CTNNA3: variants seen among roughly 807,000 people sequenced by gnomAD.
CTNNA3 encodes the protein catenin alpha-3.
A neutral mutation model predicts 95.7 loss-of-function variants in CTNNA3; 76 were observed. The ratio of observed to expected loss-of-function variants is 0.79; its 90% CI spans 0.66 to 0.96. The LOEUF (loss-of-function observed/expected upper bound fraction) is 0.96, where lower values mean the gene tolerates loss of function less well. Among genes scored for constraint, CTNNA3 ranks in the 40% least tolerant of loss-of-function variants. The pLI, the probability that CTNNA3 is intolerant of heterozygous loss-of-function variation, is 0.00. For synonymous variants in CTNNA3, 431 were observed against 374.4 expected (o/e 1.15, Z -1.74); for missense variants, 1,191 against 1,089.8 (o/e 1.09, Z -1.31).
intron 5 of CTNNA3, among the ~76,000 whole-genome samples, chr10:67,410,292 G>A (rs1215450423): frequency 1.3e-5 from 2 of 152,056 alleles, no homozygotes; most frequent in South Asian, 2.1e-4. Flanking sequence ...TTACAAGTGG[G>A]AGCTAAATGA....
chr10:66,925,971 T>A (rs928681905), intron 7 of CTNNA3: 2 of 456,200 alleles, frequency 4.4e-6, no homozygotes, highest in Admixed American at 4.7e-5. Flanking sequence ...TTTCTGCACA[T>A]GCCCATAATG....
chr10:66,154,833 T>C (rs1263218466), intron 13 of CTNNA3, among the ~76,000 whole-genome samples: 1 of 149,854 alleles, frequency 6.7e-6, no homozygotes, highest in Non-Finnish European at 1.5e-5. Context: ...CAAGATGACC[T>C]GTTTAAGCCC....
chr10:67,706,341 T>C (rs1252582337), intron 1 of CTNNA3, among the ~76,000 whole-genome samples: 1 of 151,592 alleles, frequency 6.6e-6, no homozygotes, highest in East Asian at 1.9e-4. Context: ...GGTAAAAGGT[T>C]ATAATTGCAG....
At chr10:66,249,081 G>T (rs2090447444) in intron 13 of CTNNA3, among the ~76,000 whole-genome samples, 1 of 152,130 alleles carries the variant, frequency 6.6e-6, no homozygotes, top group African/African-American at 2.4e-5. Flanking sequence ...ATGGTGCTGA[G>T]AAAACTGTAT....
chr10:65,934,834 G>T (rs567425624), intron 17 of CTNNA3, among the ~76,000 whole-genome samples: 1 of 152,202 alleles, frequency 6.6e-6, no homozygotes, highest in Middle Eastern at 3.4e-3. Context: ...TTCATCCTAG[G>T]TAATCATTGA....
chr10:65,948,700 C>T (rs1208090036), intron 17 of CTNNA3, among the ~76,000 whole-genome samples: 3 of 152,168 alleles, frequency 2.0e-5, no homozygotes, highest in Non-Finnish European at 1.5e-5. Flanking sequence ...TTGAACATTT[C>T]TGTCTTTTAC....
chr10:66,604,422 T>G (rs1052851674), intron 10 of CTNNA3, among the ~76,000 whole-genome samples: 1 of 152,082 alleles, frequency 6.6e-6, no homozygotes, highest in Non-Finnish European at 1.5e-5. Context: ...TGACACCCAT[T>G]AGCACCCTGC....
At chr10:66,813,232 T>C (rs771293649) in intron 7 of CTNNA3, among the ~76,000 whole-genome samples, 1 of 152,216 alleles carries the variant, frequency 6.6e-6, no homozygotes. Flanking sequence ...CAGCCTTCTC[T>C]GCAAAATCCA....
intron 12 of CTNNA3, among the ~76,000 whole-genome samples, chr10:66,283,111 T>A (rs2091523313): frequency 6.6e-6 from 1 of 151,768 alleles, no homozygotes; most frequent in Non-Finnish European, 1.5e-5. Context: ...TCTAAGAAAA[T>A]GTGTCCAGTT....
chr10:66,616,289 G>A (rs915536876), intron 10 of CTNNA3, among the ~76,000 whole-genome samples: 4 of 152,046 alleles, frequency 2.6e-5, no homozygotes, highest in African/African-American at 9.7e-5. Flanking sequence ...TCCAAATCCT[G>A]TGTTCTCAAT....
intron 5 of CTNNA3, among the ~76,000 whole-genome samples, chr10:67,262,166 T>G (rs575392282): frequency 1.3e-5 from 2 of 152,280 alleles, no homozygotes; most frequent in East Asian, 3.9e-4. Context: ...GCATAATTAT[T>G]ATTATAAGCC....
At position 67,224,264 on chromosome 10, in the gene CTNNA3, A is replaced by G. The variant is rs554967414; in HGVS notation, c.580-4394T>C. Among the ~76,000 whole-genome samples, 437 of 152,202 alleles carry G rather than the reference A, an allele frequency of 2.9e-3. 4 individuals carry two copies. Among genetic ancestry groups the G allele is most frequent in the Non-Finnish European group, 2.3e-3 (159 of 68,002 alleles). On this transcript the variant is annotated intron_variant, in intron 5 of 17. Coordinates refer to ENST00000433211, the MANE Select transcript of CTNNA3 (RefSeq NM_013266.4). The stretch of plus-strand genomic sequence containing the variant: ...ATGTCCCCGTTTCCCCCACATGCCA[A>G]CCCCTGGCAACTATGGTAAAACTGC...
chr10:67,551,195 T>C (rs1841017814), intron 3 of CTNNA3, among the ~76,000 whole-genome samples: 1 of 151,540 alleles, frequency 6.6e-6, no homozygotes, highest in Non-Finnish European at 1.5e-5. Context: ...CACATCTTGG[T>C]GGAGGAATAC....
chr10:66,411,069 C>T (rs2093100948), intron 11 of CTNNA3, among the ~76,000 whole-genome samples: 1 of 152,172 alleles, frequency 6.6e-6, no homozygotes, highest in African/African-American at 2.4e-5. Context: ...ACTTCAATTT[C>T]TTCTGTCAAT....
chr10:66,660,166 G>A (rs1032496454), intron 9 of CTNNA3, among the ~76,000 whole-genome samples: 16 of 151,988 alleles, frequency 1.1e-4, no homozygotes, highest in African/African-American at 3.4e-4. Context: ...CTATGCACAT[G>A]GGTTCCAAGA....
chr10:66,259,545 A>G (rs900446490), intron 13 of CTNNA3, among the ~76,000 whole-genome samples: 3 of 152,106 alleles, frequency 2.0e-5, no homozygotes, highest in African/African-American at 7.2e-5. Context: ...CAACCTCCCT[A>G]TTATCAAAAG....
intron 11 of CTNNA3, among the ~76,000 whole-genome samples, chr10:66,454,725 T>C (rs906873277): frequency 6.7e-6 from 1 of 149,038 alleles, no homozygotes; most frequent in African/African-American, 2.5e-5. Context: ...TTTCATTTTA[T>C]GAGACCAGCA....
intron 11 of CTNNA3, among the ~76,000 whole-genome samples, chr10:66,449,181 G>C (rs2093445485): frequency 6.6e-6 from 1 of 152,092 alleles, no homozygotes; most frequent in South Asian, 2.1e-4. Context: ...AATGAGAGAT[G>C]AGGGACATAA....
intron 7 of CTNNA3, among the ~76,000 whole-genome samples, chr10:67,144,983 T>C (rs2394331): frequency 0.64 from 97,331 of 151,924 alleles, 32,243 homozygotes; most frequent in African/African-American, 0.82. Flanking sequence ...TTTCATTGAA[T>C]ACTTAGAGGG....
Sources: allele counts gnomAD v4.1 joint callset (sites outside exome capture counted in the v4.1 genomes callset), GRCh38; gene constraint gnomAD v4.1.1; transcripts MANE v1.5; gene names NCBI Gene and HGNC (gene_info 2026-07-23, HGNC 2026-07-21).